CDC42BPG: variants seen among roughly 807,000 people sequenced by gnomAD.
CDC42BPG encodes CDC42 binding protein kinase gamma, also known as serine/threonine-protein kinase MRCK gamma.
Under a neutral mutation model 192.2 loss-of-function variants are expected in CDC42BPG, and 157 were observed. That is an observed-to-expected ratio of 0.82 (90% CI 0.72 to 0.93). The LOEUF is 0.93. Ranked by LOEUF, CDC42BPG falls within the 40% of genes least tolerant of loss-of-function variation. The probability of loss-of-function intolerance (pLI) is 0.00; values close to 1 mark genes in which losing one functional copy is unlikely to be tolerated. For missense variants in CDC42BPG, 1,992 were observed against 2,122.1 expected, an observed-to-expected ratio of 0.94 and a Z score of 1.20; for synonymous variants, 981 against 918.5, an observed-to-expected ratio of 1.07 and a Z score of -1.23.
chr11:64,842,397 C>T (rs1943320178), intron 1 of CDC42BPG, among the ~76,000 whole-genome samples: 1 of 152,118 alleles, frequency 6.6e-6, no homozygotes, highest in Non-Finnish European at 1.5e-5. Flanking sequence ...GGTCCCGGGA[C>T]CCTGTAGGCA....
chr11:64,835,914 T>C lies in CDC42BPG; in HGVS notation c.1669-63A>G. ...CCCTCGGCAGCCCCTCTGCCCACCT[T>C]ACCATGGACTCCAGACCTGCCAGCC... On this transcript the variant is annotated intron_variant, in intron 13 of 36. Transcript: ENST00000342711. 10 of 1,468,418 alleles carry C rather than the reference T, an allele frequency of 6.8e-6. No individual in the cohort carries two copies. The South Asian group carries it at 1.2e-4, about 18-fold the overall frequency. The allele number at this position is 1,468,418 out of a possible 1,614,324, so 91.0% of individuals were successfully genotyped here. A position where few individuals can be genotyped will look rare whatever the true frequency, so the allele number is the denominator to read the frequency against.
rs1273265003 is a variant in CDC42BPG, at chr11:64,844,206, C to A, written c.160+204G>T. The stretch of plus-strand genomic sequence containing the variant: ...GTCGGGGTCTGTGAGAGGGAGAGAG[C>A]GTGTGTGAGAATTGGAGTGAGGGTG... On this transcript the variant is annotated intron_variant, in intron 1 of 36. Transcript: ENST00000342711. 4.0e-5 allele frequency among the ~76,000 whole-genome samples: 6 copies of A among 151,314 alleles called. No homozygotes were observed. The South Asian group carries it at 1.0e-3, about 26-fold the overall frequency.
intron 29 of CDC42BPG, 60 bp from the exon 30 acceptor site, chr11:64,830,130 ATCC>A (rs2136270239): frequency 1.2e-6 from 2 of 1,611,476 alleles, no homozygotes; most frequent in Non-Finnish European, 1.7e-6. Flanking sequence ...ACCCATCCCC[ATCC>A]TCCTCTGCCC....
intron 1 of CDC42BPG, 113 bp from the exon 2 acceptor site, chr11:64,842,017 C>T: frequency 1.2e-6 from 1 of 816,078 alleles, no homozygotes; most frequent in Non-Finnish European, 2.0e-6. Context: ...GGGATGACCT[C>T]CCCAGGGACA....
intron 1 of CDC42BPG, among the ~76,000 whole-genome samples, chr11:64,842,175 A>C (rs914839149): frequency 2.6e-5 from 4 of 152,106 alleles, no homozygotes; most frequent in Non-Finnish European, 5.9e-5. Context: ...CCTCCATCCC[A>C]GGGGCTGATG....
intron 8 of CDC42BPG, 99 bp from the exon 9 acceptor site, chr11:64,838,261 C>T (rs1211922477): frequency 1.2e-6 from 1 of 855,712 alleles, no homozygotes; most frequent in African/African-American, 1.7e-5. Context: ...ACCTCCTGCA[C>T]AGGTGGGAAC....
Position 64,836,714 on chromosome 11 carries a change from G to GA in CDC42BPG, c.1384+24_1384+25insT, listed in dbSNP as rs1391543490. On this transcript the variant is annotated intron_variant, in intron 11 of 36. Transcript: ENST00000342711. ...CAGGTGGGACTCAGCCCTGGGGGGG[G>GA]GGGGGGGGTGGGCGGAAGGGATACC... 1.2e-5 allele frequency: 10 copies of GA among 866,438 alleles called. 2 individuals are homozygous for GA. Among genetic ancestry groups the GA allele is most frequent in the Admixed American group, 6.1e-5 (2 of 32,696 alleles). The allele number at this position is 866,438 out of a possible 1,614,324, so 53.7% of individuals were successfully genotyped here. A position where few individuals can be genotyped will look rare whatever the true frequency, so the allele number is the denominator to read the frequency against.
At position 64,829,314 on chromosome 11, in the gene CDC42BPG, C is replaced by T. The variant is rs1200973256; in HGVS notation, c.3967+157G>A. Among the ~76,000 whole-genome samples, 5 of 152,212 alleles carry T rather than the reference C, an allele frequency of 3.3e-5. 1 individual carries two copies. The stretch of plus-strand genomic sequence containing the variant: ...AGCCATGGAAAAGGAAGGTCCCCTG[C>T]AAGCCACAGAGGGTGGGACAGGGTG... On this transcript the variant is annotated intron_variant, in intron 30 of 36. Coordinates refer to ENST00000342711, the MANE Select transcript of CDC42BPG (RefSeq NM_017525.3).
chr11:64,829,453 G>GC lies in CDC42BPG; in HGVS notation c.3967+17dup. On this transcript the variant is annotated intron_variant, in intron 30 of 36. Transcript: ENST00000342711. ...TGAAGGTGCCTGGCCCCCCTGCCAA[G>GC]CCCTCAGCAGGCCTTACCCCAGCCC... 1 of 1,607,096 alleles carries GC rather than the reference G, an allele frequency of 6.2e-7. No homozygotes were observed. Among genetic ancestry groups the GC allele is most frequent in the Non-Finnish European group, 8.5e-7 (1 of 1,177,578 alleles).
In CDC42BPG at chr11:64,833,251, C is replaced by A; in HGVS notation, c.2711G>T (p.Arg904Leu). 1.3e-6 allele frequency: 2 copies of A among 1,548,670 alleles called. No individual in the cohort carries two copies. The highest frequency in any genetic ancestry group is 1.7e-6 in the Non-Finnish European group (2 of 1,146,166). Reference protein sequence around the residue: ...RCTSLMLGLGRQGLGCDACGY... With the variant: ...RCTSLMLGLGLQGLGCDACGY... ...CTCACCATCACAACCCAGGCCCTGG[C>A]GGCCCAGGCCCAGCATCAGCGAGGT... Residue 904 changes from arginine (R) to leucine (L), a missense_variant, in exon 24 of 37, where the codon CGC becomes CTC. Physicochemically the swap from Arg to Leu is moderately radical, Grantham distance 102. Transcript: ENST00000342711.
At position 64,839,095 on chromosome 11, in the gene CDC42BPG, C is replaced by T; in HGVS notation, c.814G>A (p.Gly272Arg). The stretch of plus-strand genomic sequence containing the variant: ...GACTCAGCATAGAAGGGCGTCTCCC[C>T]AAAGAGCAGCTCATAGGCGCAGACT... ...LGVCAYELLF[G>R]ETPFYAESLV... Residue 272 changes from glycine to arginine, a missense_variant, in exon 7 of 37, where the codon GGG (glycine) becomes AGG (arginine). Gly to Arg is a moderately radical substitution (Grantham distance 125). Transcript: ENST00000342711. The T allele has an allele frequency of 6.2e-7, 1 of 1,613,644 alleles. No homozygotes were observed. Among genetic ancestry groups the T allele is most frequent in the Non-Finnish European group, 8.5e-7 (1 of 1,180,042 alleles).
At position 64,835,339 on chromosome 11, in the gene CDC42BPG, C is replaced by T. The variant is rs764463315; in HGVS notation, c.1953+8G>A. 1.2e-6 allele frequency: 2 copies of T among 1,614,046 alleles called. No individual in the cohort carries two copies. Among genetic ancestry groups the T allele is most frequent in the Non-Finnish European group, 8.5e-7 (1 of 1,179,994 alleles). On this transcript the variant is annotated splice_region_variant and intron_variant, in intron 16 of 36. Transcript: ENST00000342711. The stretch of plus-strand genomic sequence containing the variant: ...TGTTGTACCCTCCGTCTGTTGTACC[C>T]TGCTCACCCGCTCCTGCTCCCGGCT...
At chr11:64,837,337 T>C (rs1035762142) in intron 9 of CDC42BPG, among the ~76,000 whole-genome samples, 1 of 152,172 alleles carries the variant, frequency 6.6e-6, no homozygotes, top group Non-Finnish European at 1.5e-5. Flanking sequence ...GAGGACAGGA[T>C]GTGGTGACAG....
In CDC42BPG at chr11:64,834,570, T is replaced by C; in HGVS notation, c.2183A>G (p.Gln728Arg). The change falls in exon 19 of 37, where the codon CAG (glutamine) becomes CGG (arginine). Residue 728 changes from glutamine to arginine, a missense_variant. Physicochemically the swap from Gln to Arg is conservative, Grantham distance 43. Transcript: ENST00000342711. ...QTLPARPLDH[Q>R]WKARRLQKME... ...CTTCTGCAGTCGCCGCGCCTTCCAC[T>C]GGTGGTCCTGGTGGCCACGGAGCAC... 1 of 1,558,010 alleles carries C rather than the reference T, an allele frequency of 6.4e-7. No homozygotes were observed. The highest frequency in any genetic ancestry group is 8.7e-7 in the Non-Finnish European group (1 of 1,149,230).
At position 64,824,548 on chromosome 11, in the gene CDC42BPG, G is replaced by T; in HGVS notation, c.4600-19C>A. 6.3e-7 allele frequency: 1 copy of T among 1,582,424 alleles called. No individual in the cohort carries two copies. Among genetic ancestry groups the T allele is most frequent in the South Asian group, 1.1e-5 (1 of 90,388 alleles). On this transcript the variant is annotated intron_variant, in intron 36 of 36. Transcript: ENST00000342711. ...CTGAGACCTGCAGGAGAAAGAAAAGGAAGTCAAGGGGTAGGATCAGGAAGA... is the reference window on the plus strand; with the variant it reads ...CTGAGACCTGCAGGAGAAAGAAAAGTAAGTCAAGGGGTAGGATCAGGAAGA...
In CDC42BPG at chr11:64,827,485, GCACTGGGGAACGCACACACCCGTA is replaced by G; in HGVS notation, c.4150+18_4150+41del. On this transcript the variant is annotated intron_variant, in intron 32 of 36. Transcript: ENST00000342711. ...TTCAGGGCCACACAGCCACACGTGC[GCACTGGGGAACGCACACACCCGTA>G]CACACGCACTCCCTCACCTGCCAGC... The G allele has an allele frequency of 6.2e-7, 1 of 1,604,392 alleles. No individual in the cohort carries two copies. Among genetic ancestry groups the G allele is most frequent in the Non-Finnish European group, 8.5e-7 (1 of 1,172,140 alleles).
rs764271546 is a variant in CDC42BPG, at chr11:64,836,299, G to A, written c.1489-3C>T. Reference sequence around the variant, plus strand: ...CCTGCCCGACCCTCGGCCAGCTCCTGAGGAGGCAGGGGAGGGAGCGGGGAA... The same window carrying A: ...CCTGCCCGACCCTCGGCCAGCTCCTAAGGAGGCAGGGGAGGGAGCGGGGAA... On this transcript the variant is annotated splice_region_variant and splice_polypyrimidine_tract_variant and intron_variant, in intron 12 of 36. Transcript: ENST00000342711. 5.3e-5 allele frequency: 86 copies of A among 1,607,802 alleles called. No individual in the cohort carries two copies. The Middle Eastern group carries it at 6.6e-4, about 12-fold the overall frequency.
At position 64,833,802 on chromosome 11, in the gene CDC42BPG, TCTC is replaced by T. The variant is rs773875291; in HGVS notation, c.2498_2500del (p.Gly833del). Reference sequence around the variant, plus strand: ...TGGCTCTCCTCCATGCCTTGTGGCCTCTCCTGAGATGCCAGGGTCCTTGGCAGA... The same window carrying T: ...TGGCTCTCCTCCATGCCTTGTGGCCTCTGAGATGCCAGGGTCCTTGGCAGA... On this transcript the variant is annotated inframe_deletion, in exon 22 of 37. Transcript: ENST00000342711. 1.9e-6 allele frequency: 3 copies of T among 1,614,230 alleles called. No homozygotes were observed. Among genetic ancestry groups the T allele is most frequent in the Non-Finnish European group, 2.5e-6 (3 of 1,180,038 alleles).
intron 28 of CDC42BPG, 194 bp from the exon 29 acceptor site, chr11:64,830,450 C>A: frequency 3.2e-6 from 2 of 615,420 alleles, no homozygotes; most frequent in Non-Finnish European, 5.8e-6. Context: ...TGAGGCCCAT[C>A]ATCTTGAGCT....
Sources: gnomAD v4.1 joint callset for allele counts (sites outside exome capture counted in the v4.1 genomes callset) on GRCh38, gnomAD v4.1.1 for gene constraint, MANE v1.5 for transcripts, NCBI Gene and HGNC (gene_info 2026-07-23, HGNC 2026-07-21) for gene names.